Variants in TMEM132B observed in about 807,000 individuals in gnomAD.
The protein encoded by TMEM132B is transmembrane protein 132B.
TMEM132B carries 18 observed loss-of-function variants against 90.8 expected under a neutral mutation model. The observed-to-expected ratio is 0.20, with a 90% CI of 0.14 to 0.29. TMEM132B has a LOEUF of 0.29. Ranked by LOEUF, TMEM132B falls within the 10% of genes least tolerant of loss-of-function variation. The probability of loss-of-function intolerance (pLI) is 1.00; values close to 1 mark genes in which losing one functional copy is unlikely to be tolerated. For synonymous variants in TMEM132B, 504 were observed against 523.3 expected (o/e 0.96, Z 0.50); for missense variants, 1,096 against 1,326.8 (o/e 0.83, Z 2.70).
intron 5 of TMEM132B, among the ~76,000 whole-genome samples, chr12:125,620,076 A>T (rs916473854): frequency 1.3e-5 from 2 of 152,178 alleles, no homozygotes; most frequent in African/African-American, 4.8e-5. Flanking sequence ...GAGATTTATA[A>T]ATCATAGTTG....
chr12:125,547,406 T>C (rs148652818), intron 4 of TMEM132B, among the ~76,000 whole-genome samples: 2,978 of 152,362 alleles, frequency 0.02, 48 homozygotes, highest in South Asian at 0.034. Context: ...GTTAAATGTC[T>C]TTTCATGTGC....
At chr12:125,380,880 C>T (rs1878660897) in intron 2 of TMEM132B, among the ~76,000 whole-genome samples, 1 of 152,172 alleles carries the variant, frequency 6.6e-6, no homozygotes, top group Non-Finnish European at 1.5e-5. Flanking sequence ...GTCCTTCTGG[C>T]CTAGGGGTGC....
intron 5 of TMEM132B, among the ~76,000 whole-genome samples, chr12:125,589,231 C>T (rs1387665550): frequency 6.6e-6 from 1 of 151,774 alleles, no homozygotes; most frequent in Non-Finnish European, 1.5e-5. Context: ...GCCTGTAATC[C>T]CAGCACTTTG....
chr12:125,224,602 C>T (rs888636353), intron 1 of TMEM132B, among the ~76,000 whole-genome samples: 1 of 152,208 alleles, frequency 6.6e-6, no homozygotes. Flanking sequence ...CAGACCCTTC[C>T]CTGCCTGTCT....
chr12:125,238,770 G>A (rs1055340900), intron 1 of TMEM132B, among the ~76,000 whole-genome samples: 3 of 152,184 alleles, frequency 2.0e-5, no homozygotes, highest in Non-Finnish European at 4.4e-5. Context: ...AAAACCCTGG[G>A]TGTTTGTATT....
chr12:125,253,127 C>A (rs1480236525), intron 1 of TMEM132B, among the ~76,000 whole-genome samples: 1 of 152,094 alleles, frequency 6.6e-6, no homozygotes, highest in Non-Finnish European at 1.5e-5. Context: ...GGAAATGACC[C>A]CCTCGTGGAG....
In TMEM132B at chr12:125,490,195, T is replaced by G. The variant is rs1882310692; in HGVS notation, c.1107-29244T>G. Among the ~76,000 whole-genome samples, 2 of 152,302 alleles carry G rather than the reference T, an allele frequency of 1.3e-5. No homozygotes were observed. Among genetic ancestry groups the G allele is most frequent in the South Asian group, 4.1e-4 (2 of 4,820 alleles). ...TCTTACTGTGTGCCAGGTACTGTGT[T>G]GAATACTTTACATATATTACTAATT... On this transcript the variant is annotated intron_variant, in intron 3 of 8. Transcript: ENST00000682704. This position sits in a 1 kb window ranked among gnomAD's most constrained non-coding sequence, Gnocchi z 4.2.
chr12:125,402,242 T>A (rs1593124739), intron 2 of TMEM132B, among the ~76,000 whole-genome samples: 1 of 152,136 alleles, frequency 6.6e-6, no homozygotes, highest in Non-Finnish European at 1.5e-5. Flanking sequence ...CAGGCTGGAG[T>A]GCAGTGGCGT....
At position 125,644,094 on chromosome 12, in the gene TMEM132B, T is replaced by G. The variant is rs1368551804; in HGVS notation, c.1456T>G (p.Ser486Ala). 2.5e-6 allele frequency: 4 copies of G among 1,614,120 alleles called. No homozygotes were observed. Among genetic ancestry groups the G allele is most frequent in the African/African-American group, 1.3e-5 (1 of 74,948 alleles). Residue 486 changes from serine to alanine, a missense_variant, in exon 6 of 9, where the codon TCC becomes GCC. By Grantham distance (99) the Ser-to-Ala change is moderately conservative (BLOSUM62 1). Coordinates refer to ENST00000682704, the MANE Select transcript of TMEM132B (RefSeq NM_001366854.1). The part of the protein sequence containing the change: ...DVIKVSNNCD[S>A]IFVNGKEMKS... Reference sequence around the variant, plus strand: ...CCCAAAGGTTTCCAACAACTGTGATTCCATTTTTGTGAATGGGAAGGAAAT... The same window carrying G: ...CCCAAAGGTTTCCAACAACTGTGATGCCATTTTTGTGAATGGGAAGGAAAT...
At chr12:125,230,542 G>A (rs189897782) in intron 1 of TMEM132B, among the ~76,000 whole-genome samples, 275 of 151,976 alleles carry the variant, frequency 1.8e-3, no homozygotes, top group Non-Finnish European at 2.5e-3. Flanking sequence ...GTGCAGTGGC[G>A]TAATCTCGGC....
chr12:125,345,257 G>C (rs954962123), intron 1 of TMEM132B, among the ~76,000 whole-genome samples: 5 of 152,160 alleles, frequency 3.3e-5, no homozygotes, highest in African/African-American at 9.7e-5. Flanking sequence ...TTGTGGGCCT[G>C]TACCCTAAGT....
At chr12:125,524,327 A>G (rs1883389035) in intron 4 of TMEM132B, among the ~76,000 whole-genome samples, 1 of 152,210 alleles carries the variant, frequency 6.6e-6, no homozygotes, top group South Asian at 2.1e-4. Context: ...GGGATTAACA[A>G]TCCTCTCTAT....
Position 125,415,672 on chromosome 12 carries a change from G to C in TMEM132B, c.1101G>C (p.Gln367His). The change falls in exon 3 of 9, where the codon CAG becomes CAC. Residue 367 changes from glutamine to histidine, a missense_variant. Physicochemically the swap from Gln to His is conservative, Grantham distance 24. Transcript: ENST00000682704. The surrounding 1 kb of genome is among the most constrained non-coding windows in gnomAD (Gnocchi z 5.3). ...GCATGGGCCATCGCCCGGACACGCA[G>C]AGCAGGTAAGCATGGAGATCCCCAA... ...LTCMGHRPDT[Q>H]SRVNGSFYEI... 1 of 1,614,094 alleles carries C rather than the reference G, an allele frequency of 6.2e-7. No homozygotes were observed. The highest frequency in any genetic ancestry group is 1.3e-5 in the African/African-American group (1 of 75,042).
At chr12:125,345,240 A>G (rs950064643) in intron 1 of TMEM132B, among the ~76,000 whole-genome samples, 17 of 152,176 alleles carry the variant, frequency 1.1e-4, no homozygotes, top group African/African-American at 3.9e-4. Context: ...ACTCAGCCTC[A>G]GAAATGTTGT....
intron 1 of TMEM132B, among the ~76,000 whole-genome samples, chr12:125,320,264 G>T (rs1431427750): frequency 6.6e-6 from 1 of 152,252 alleles, no homozygotes; most frequent in East Asian, 1.9e-4. Flanking sequence ...GAAAATAGGA[G>T]CAAATAAATT....
intron 5 of TMEM132B, among the ~76,000 whole-genome samples, chr12:125,611,353 C>G (rs1885821973): frequency 6.6e-6 from 1 of 151,552 alleles, no homozygotes; most frequent in Non-Finnish European, 1.5e-5. Flanking sequence ...TTAAAAAAAA[C>G]AATTTTTGGT....
intron 1 of TMEM132B, among the ~76,000 whole-genome samples, chr12:125,257,253 C>T (rs1045771712): frequency 3.9e-5 from 6 of 152,002 alleles, no homozygotes. Flanking sequence ...CTGCTGGGAG[C>T]TATGATCATG....
intron 1 of TMEM132B, among the ~76,000 whole-genome samples, chr12:125,224,166 A>G (rs540926000): frequency 6.6e-6 from 1 of 152,298 alleles, no homozygotes; most frequent in East Asian, 1.9e-4. Flanking sequence ...TGGATATACC[A>G]CATTTTTTAA....
chr12:125,571,260 C>T (rs2136828962), intron 4 of TMEM132B, among the ~76,000 whole-genome samples: 1 of 152,254 alleles, frequency 6.6e-6, no homozygotes, highest in Non-Finnish European at 1.5e-5. Context: ...ATCATGGAAT[C>T]TTTCAGCTTC....
Sources: allele counts gnomAD v4.1 joint callset (sites outside exome capture counted in the v4.1 genomes callset), GRCh38; gene constraint gnomAD v4.1.1; non-coding constraint Gnocchi (gnomAD v3.1); transcripts MANE v1.5; gene names NCBI Gene and HGNC (gene_info 2026-07-23, HGNC 2026-07-21).